The following NUP93 variants were observed in gnomAD, a reference collection of about 807,000 sequenced individuals.
The protein encoded by NUP93 is nuclear pore complex protein Nup93.
A neutral mutation model predicts 107.8 loss-of-function variants in NUP93; 55 were observed. The ratio of observed to expected loss-of-function variants is 0.51; its 90% CI spans 0.41 to 0.64. NUP93 has a LOEUF of 0.64. Ranked by LOEUF, NUP93 falls within the 30% of genes least tolerant of loss-of-function variation. NUP93 has a pLI of 0.00. For synonymous variants in NUP93, 390 were observed against 397.5 expected, an observed-to-expected ratio of 0.98 and a Z score of 0.22; for missense variants, 937 against 1,044.7, an observed-to-expected ratio of 0.90 and a Z score of 1.42.
intron 3 of NUP93, among the ~76,000 whole-genome samples, chr16:56,780,276 T>C (rs1962489465): frequency 6.6e-6 from 1 of 152,178 alleles, no homozygotes; most frequent in Non-Finnish European, 1.5e-5. Flanking sequence ...GCAGTTAATT[T>C]TAAGTTAGGG....
In NUP93 at chr16:56,846,491, C is replaced by CT. The variant is rs1324691865; in HGVS notation, c.*1884dup. ...TTGGGAGGCCAAGGCAGGCAGTTCG[C>CT]TTGAGGTAAGGGGTTTGAGACCAGT... On this transcript the variant is annotated 3_prime_UTR_variant, in exon 22 of 22. Transcript: ENST00000308159. 1 of 152,112 alleles carries CT rather than the reference C, an allele frequency of 6.6e-6. No homozygotes were observed. The highest frequency in any genetic ancestry group is 2.4e-5 in the African/African-American group (1 of 41,390). 9.4% of individuals were successfully genotyped at this position (152,112 alleles called of 1,614,324 possible).
chr16:56,842,360 T>C (rs1964042083), intron 21 of NUP93, among the ~76,000 whole-genome samples: 2 of 152,102 alleles, frequency 1.3e-5, no homozygotes, highest in Non-Finnish European at 2.9e-5. Flanking sequence ...GAAGGGGCCA[T>C]GTCTGGAGGC....
At chr16:56,778,811 A>G (rs1962462508) in intron 3 of NUP93, among the ~76,000 whole-genome samples, 1 of 152,202 alleles carries the variant, frequency 6.6e-6, no homozygotes, top group Non-Finnish European at 1.5e-5. Context: ...AGATGGGGTA[A>G]GAAAATTTCT....
intron 3 of NUP93, among the ~76,000 whole-genome samples, chr16:56,767,934 G>T (rs1413960974): frequency 1.3e-5 from 2 of 152,088 alleles, no homozygotes; most frequent in Non-Finnish European, 2.9e-5. Context: ...TCTCAAACCA[G>T]TTTTTTTCTT....
intron 3 of NUP93, among the ~76,000 whole-genome samples, chr16:56,779,631 T>C (rs1018731976): frequency 6.6e-6 from 1 of 152,176 alleles, no homozygotes; most frequent in Non-Finnish European, 1.5e-5. Context: ...TCAGAGGTCC[T>C]TTCCAGCCAG....
rs150030015 is a variant in NUP93, at chr16:56,762,148, C to G, written c.297+3493C>G. On this transcript the variant is annotated intron_variant, in intron 3 of 21. Transcript: ENST00000308159. ...GGAGTATGCGTCCTCTCACAGAGAT[C>G]CACTTGCTCACTTCTGTCTTTGGAG... Among the ~76,000 whole-genome samples the G allele has an allele frequency of 4.6e-5, 7 of 152,238 alleles. No homozygotes were observed. In the East Asian group the frequency reaches 1.3e-3, roughly 29 times the overall value.
chr16:56,803,127 C>T (rs2144567577), intron 4 of NUP93, among the ~76,000 whole-genome samples: 1 of 152,200 alleles, frequency 6.6e-6, no homozygotes. Flanking sequence ...TGGTTTGCTT[C>T]CTCCTATGAA....
chr16:56,791,575 G>T (rs562980550), intron 3 of NUP93, among the ~76,000 whole-genome samples: 10 of 152,326 alleles, frequency 6.6e-5, no homozygotes, highest in South Asian at 2.1e-4. Context: ...GGAATTAGCT[G>T]CCATCTGTAT....
At chr16:56,835,007 T>C (rs1963881811) in intron 16 of NUP93, among the ~76,000 whole-genome samples, 1 of 152,236 alleles carries the variant, frequency 6.6e-6, no homozygotes, top group African/African-American at 2.4e-5. Flanking sequence ...GCTTTTTTAT[T>C]ATGTTCAGAA....
chr16:56,845,254 G>A lies in NUP93; in HGVS notation c.*645G>A, dbSNP rs554474157. On this transcript the variant is annotated 3_prime_UTR_variant, in exon 22 of 22. Transcript: ENST00000308159. ...AAAGCCTTAAGAAGGAAGGTTGCAA[G>A]TGCCCCCAGCTTGCACTTGAGGAAG... 13 of 155,888 alleles carry A rather than the reference G, an allele frequency of 8.3e-5. No homozygotes were observed. The East Asian group carries it at 2.2e-3, about 26-fold the overall frequency. The allele number at this position is 155,888 out of a possible 1,614,324, so 9.7% of individuals were successfully genotyped here.
chr16:56,756,566 C>T (rs1477141439), intron 2 of NUP93, among the ~76,000 whole-genome samples: 1 of 152,024 alleles, frequency 6.6e-6, no homozygotes, highest in Non-Finnish European at 1.5e-5. Context: ...GGGTTGGTTC[C>T]AAGTCTTTGC....
intron 1 of NUP93, among the ~76,000 whole-genome samples, chr16:56,732,273 T>C (rs1961547997): frequency 6.6e-6 from 1 of 152,252 alleles, no homozygotes; most frequent in Non-Finnish European, 1.5e-5. Context: ...TGTTCACTGA[T>C]GTGTTCCTAG....
At chr16:56,783,667 C>T (rs1452192257) in intron 3 of NUP93, 2 of 985,240 alleles carry the variant, frequency 2.0e-6, no homozygotes, top group South Asian at 4.7e-5. Context: ...ATGTCTCAGC[C>T]ACCATTTTTA....
At position 56,837,695 on chromosome 16, in the gene NUP93, C is replaced by G. The variant is rs1963941068; in HGVS notation, c.1987C>G (p.Leu663Val). 1 of 1,614,060 alleles carries G rather than the reference C, an allele frequency of 6.2e-7. No homozygotes were observed. Among genetic ancestry groups the G allele is most frequent in the East Asian group, 2.2e-5 (1 of 44,864 alleles). The change falls in exon 18 of 22, where the codon CTG becomes GTG. Residue 663 changes from leucine (L) to valine (V), a missense_variant. Physicochemically the swap from Leu to Val is conservative, Grantham distance 32 (BLOSUM62 1). Coordinates refer to ENST00000308159, the MANE Select transcript of NUP93 (RefSeq NM_014669.5). ...TGCCCCGCAATCCAACAAGGAGAGGCTGAAGAACATGGCACTCTCCATTGC... is the reference window on the plus strand; with the variant it reads ...TGCCCCGCAATCCAACAAGGAGAGGGTGAAGAACATGGCACTCTCCATTGC... ...ISAPQSNKER[L>V]KNMALSIAER...
chr16:56,784,213 T>C (rs1962577377), intron 3 of NUP93, among the ~76,000 whole-genome samples: 1 of 152,218 alleles, frequency 6.6e-6, no homozygotes. Flanking sequence ...AGGTTTCTTT[T>C]CACTGTCTTT....
chr16:56,798,221 A>G (rs1443303183), intron 3 of NUP93, among the ~76,000 whole-genome samples: 1 of 152,204 alleles, frequency 6.6e-6, no homozygotes, highest in Admixed American at 6.5e-5. Context: ...CACTTTTTAC[A>G]TGTTTATGGG....
At chr16:56,750,969 G>A (rs1405469342) in intron 2 of NUP93, among the ~76,000 whole-genome samples, 1 of 152,138 alleles carries the variant, frequency 6.6e-6, no homozygotes, top group African/African-American at 2.4e-5. Flanking sequence ...GACCAGCCTG[G>A]ACAACATGGC....
chr16:56,756,617 T>C (rs1179928557), intron 2 of NUP93, among the ~76,000 whole-genome samples: 1 of 152,162 alleles, frequency 6.6e-6, no homozygotes, highest in Non-Finnish European at 1.5e-5. Flanking sequence ...TGTGCATGTG[T>C]CTTTATAGTA....
intron 4 of NUP93, among the ~76,000 whole-genome samples, chr16:56,804,353 A>T (rs1421462962): frequency 6.6e-6 from 1 of 152,212 alleles, no homozygotes; most frequent in Non-Finnish European, 1.5e-5. Context: ...TGGTATATTC[A>T]TACAGTGGAA....
Sources: allele counts gnomAD v4.1 joint callset (sites outside exome capture counted in the v4.1 genomes callset), GRCh38; gene constraint gnomAD v4.1.1; transcripts MANE v1.5; gene names NCBI Gene and HGNC (gene_info 2026-07-23, HGNC 2026-07-21).